MYH13: variants seen among roughly 807,000 people sequenced by gnomAD.
MYH13 encodes the protein myosin heavy chain 13, also known as myosin-13.
A neutral mutation model predicts 232.1 loss-of-function variants in MYH13; 177 were observed. The ratio of observed to expected loss-of-function variants is 0.76; its 90% CI spans 0.67 to 0.86. The LOEUF (loss-of-function observed/expected upper bound fraction) is 0.86. Ranked by LOEUF, MYH13 falls within the 40% of genes least tolerant of loss-of-function variation. MYH13 has a pLI of 0.00. For synonymous variants in MYH13, 884 were observed against 923.5 expected, an observed-to-expected ratio of 0.96 and a Z score of 0.78; for missense variants, 2,246 against 2,405.9, an observed-to-expected ratio of 0.93 and a Z score of 1.39.
Position 10,329,570 on chromosome 17 carries a change from T to C in MYH13, c.2435+817A>G, listed in dbSNP as rs148999722. The stretch of plus-strand genomic sequence containing the variant: ...ACAGGGTGCAGCCTGGGTTTCTGAA[T>C]GTGACACATAGGGACCTCCACTACC... On this transcript the variant is annotated intron_variant, in intron 21 of 40. Transcript: ENST00000252172. 2.6e-3 allele frequency among the ~76,000 whole-genome samples: 394 copies of C among 152,316 alleles called. 1 individual carries two copies. The highest frequency in any genetic ancestry group is 9.2e-3 in the African/African-American group (382 of 41,566).
intron 11 of MYH13, among the ~76,000 whole-genome samples, chr17:10,354,196 A>G (rs1192211723): frequency 1.3e-5 from 2 of 152,164 alleles, no homozygotes; most frequent in African/African-American, 4.8e-5. Context: ...CCCAAAATAA[A>G]CACCACAGGC....
At chr17:10,310,519 A>G (rs1042248891) in intron 33 of MYH13, among the ~76,000 whole-genome samples, 1 of 152,230 alleles carries the variant, frequency 6.6e-6, no homozygotes, top group East Asian at 1.9e-4. Context: ...TGCATCGCTC[A>G]TGAACAAATT....
intron 20 of MYH13, among the ~76,000 whole-genome samples, chr17:10,331,734 C>T (rs867582868): frequency 2.6e-5 from 4 of 152,148 alleles, no homozygotes; most frequent in African/African-American, 7.2e-5. Flanking sequence ...CCACTGCGCC[C>T]CGCTTGGTAG....
At position 10,335,822 on chromosome 17, in the gene MYH13, C is replaced by T. The variant is rs117215506; in HGVS notation, c.2057-2631G>A. Among the ~76,000 whole-genome samples the T allele has an allele frequency of 6.2e-4, 95 of 152,234 alleles. 1 individual carries two copies. In the East Asian group the frequency reaches 8.9e-3, roughly 14 times the overall value. On this transcript the variant is annotated intron_variant, in intron 18 of 40. Coordinates refer to ENST00000252172, the MANE Select transcript of MYH13 (RefSeq NM_003802.3). ...AAATGGTGAAAGCAGGCATGATTAA[C>T]ACTTGCTTTAACCATGTGGCTGAGG... is the stretch of plus-strand genomic sequence containing the variant.
rs534327057 is a variant in MYH13 at position 10,305,005 on chromosome 17, A to G, written c.5466+1454T>C. On this transcript the variant is annotated intron_variant, in intron 37 of 40. Transcript: ENST00000252172. ...TTGGAGACTCACTAGATCAGCCTTG[A>G]AAACTACTAATCGGACAGGCTTACT... 1.4e-4 allele frequency among the ~76,000 whole-genome samples: 21 copies of G among 152,300 alleles called. 1 individual carries two copies. The South Asian group carries it at 4.3e-3, about 32-fold the overall frequency.
chr17:10,360,281 T>G, intron 5 of MYH13, 93 bp from the exon 6 acceptor site: 2 of 1,410,896 alleles, frequency 1.4e-6, no homozygotes, highest in Non-Finnish European at 2.0e-6. Flanking sequence ...GAACATAGGC[T>G]CTAGTTAATG....
chr17:10,315,267 T>C (rs1215959624), intron 29 of MYH13, among the ~76,000 whole-genome samples: 5 of 152,188 alleles, frequency 3.3e-5, no homozygotes, highest in Non-Finnish European at 7.3e-5. Flanking sequence ...CCCACCATGC[T>C]GCAAGGCAGA....
intron 2 of MYH13, among the ~76,000 whole-genome samples, chr17:10,367,244 T>C (rs1405627164): frequency 1.3e-5 from 2 of 152,246 alleles, no homozygotes; most frequent in Admixed American, 1.3e-4. Flanking sequence ...ATGTAAGTCA[T>C]ATCTATTGAT....
intron 2 of MYH13, 29 bp from the exon 3 acceptor site, chr17:10,364,571 T>C (rs760965516): frequency 6.5e-7 from 1 of 1,547,750 alleles, no homozygotes; most frequent in Non-Finnish European, 8.8e-7. Flanking sequence ...CTGCTGAGTC[T>C]TGTGCTTGGG....
At chr17:10,313,004 A>C (rs1234670279) in intron 30 of MYH13, among the ~76,000 whole-genome samples, 154 bp downstream of exon 30, 1 of 152,028 alleles carries the variant, frequency 6.6e-6, no homozygotes. Flanking sequence ...GAGAAGAAGG[A>C]CAGGGAGACC....
At chr17:10,347,214 A>C (rs575795880) in intron 12 of MYH13, among the ~76,000 whole-genome samples, 1 of 152,164 alleles carries the variant, frequency 6.6e-6, no homozygotes, top group South Asian at 2.1e-4. Context: ...AAAATACAAA[A>C]ATTAGCCAAG....
In MYH13 at chr17:10,362,257, G is replaced by A. The variant is rs567099972; in HGVS notation, c.366C>T (p.Phe122=). ...ACTTGTAGGGGTTGACGGTGACACAGAAGAGGCCTGAGTAGGTCTGGGAAG... is the reference window on the plus strand; with the variant it reads ...ACTTGTAGGGGTTGACGGTGACACAAAAGAGGCCTGAGTAGGTCTGGGAAG... ...AWMIYTYSGL[F]CVTVNPYKWL... is the part of the protein sequence containing the mutation. The change falls in exon 5 of 41, where the codon TTC becomes TTT. Residue 122 remains phenylalanine, a synonymous_variant. Transcript: ENST00000252172. 34 of 1,613,738 alleles carry A rather than the reference G, an allele frequency of 2.1e-5. 1 individual carries two copies. In the South Asian group the frequency reaches 3.4e-4, roughly 16 times the overall value.
At position 10,324,218 on chromosome 17, in the gene MYH13, A is replaced by C; in HGVS notation, c.2738T>G (p.Ile913Ser). 6.2e-7 allele frequency: 1 copy of C among 1,613,746 alleles called. No individual in the cohort carries two copies. Among genetic ancestry groups the C allele is most frequent in the Non-Finnish European group, 8.5e-7 (1 of 1,179,844 alleles). The part of the protein sequence containing the change: ...MDAEERCEGL[I>S]KSKILLEAKV... ...TGCTTCCAGTAGGATCTTGCTTTTGATGAGTCCTTCACACCGTTCCTCAGC... is the reference window on the plus strand; with the variant it reads ...TGCTTCCAGTAGGATCTTGCTTTTGCTGAGTCCTTCACACCGTTCCTCAGC... The change falls in exon 23 of 41, where the codon ATC (isoleucine) becomes AGC (serine). Residue 913 changes from isoleucine to serine, a missense_variant. Transcript: ENST00000252172.
Position 10,364,451 on chromosome 17 carries a change from G to A in MYH13, c.80C>T (p.Ala27Val), listed in dbSNP as rs375914636. Reference protein sequence around the residue: ...LRKPEKERIEAQNRPFDSKKA... With the variant: ...LRKPEKERIEVQNRPFDSKKA... ...CTTGGAATCGAATGGACGATTTTGA[G>A]CCTCGATTCTCTCCTTCTCTGGTTT... is the stretch of plus-strand genomic sequence containing the variant. Residue 27 changes from alanine to valine, a missense_variant, in exon 3 of 41, where the codon GCT (alanine) becomes GTT (valine). Ala to Val is a moderately conservative substitution (Grantham distance 64, BLOSUM62 0). Transcript: ENST00000252172. 5.0e-6 allele frequency: 8 copies of A among 1,612,876 alleles called. No homozygotes were observed. Among genetic ancestry groups the A allele is most frequent in the Non-Finnish European group, 6.8e-6 (8 of 1,179,400 alleles).
At position 10,322,387 on chromosome 17, in the gene MYH13, A is replaced by G. The variant is rs183339007; in HGVS notation, c.2935-679T>C. On this transcript the variant is annotated intron_variant, in intron 23 of 40. Transcript: ENST00000252172. ...CACTCTAGCCTGGTGACAGAGCGAGACTCCGTCTCAAAAATAAAGACAGAA... is the reference window on the plus strand; with the variant it reads ...CACTCTAGCCTGGTGACAGAGCGAGGCTCCGTCTCAAAAATAAAGACAGAA... Among the ~76,000 whole-genome samples, 958 of 152,156 alleles carry G rather than the reference A, an allele frequency of 6.3e-3. 5 individuals carry two copies. Among genetic ancestry groups the G allele is most frequent in the Non-Finnish European group, 0.011 (766 of 68,002 alleles).
chr17:10,330,577 G>A (rs539364418), intron 20 of MYH13, 54 bp from the exon 21 acceptor site: 89 of 1,551,446 alleles, frequency 5.7e-5, no homozygotes, highest in African/African-American at 3.1e-4. Flanking sequence ...GCGTTCAGCC[G>A]GGCCCTTGAG....
intron 15 of MYH13, among the ~76,000 whole-genome samples, chr17:10,344,410 G>T (rs1461250370): frequency 6.6e-6 from 1 of 152,164 alleles, no homozygotes; most frequent in Non-Finnish European, 1.5e-5. Context: ...TAGCCATAAA[G>T]TAATGTGAGT....
intron 3 of MYH13, among the ~76,000 whole-genome samples, chr17:10,363,627 C>A (rs1003912350): frequency 1.3e-5 from 2 of 152,106 alleles, no homozygotes; most frequent in Admixed American, 6.6e-5. Flanking sequence ...GGCTGTGAGT[C>A]CCCCGTGTAG....
chr17:10,312,464 T>G, intron 31 of MYH13, 110 bp downstream of exon 31: 1 of 1,321,250 alleles, frequency 7.6e-7, no homozygotes, highest in East Asian at 2.5e-5. Context: ...CCACTGCCAC[T>G]GCAAAACATT....
Sources: allele counts gnomAD v4.1 joint callset (sites outside exome capture counted in the v4.1 genomes callset), GRCh38; gene constraint gnomAD v4.1.1; transcripts MANE v1.5; gene names NCBI Gene and HGNC (gene_info 2026-07-23, HGNC 2026-07-21).